SSBP3: variants seen among roughly 807,000 people sequenced by gnomAD.
The protein encoded by SSBP3 is single stranded DNA binding protein 3, also known as single-stranded DNA-binding protein 3.
SSBP3 carries 5 observed loss-of-function variants against 69.6 expected under a neutral mutation model. The ratio of observed to expected loss-of-function variants is 0.07; its 90% CI spans 0.04 to 0.15. The LOEUF (loss-of-function observed/expected upper bound fraction) is 0.15. Ranked by LOEUF, SSBP3 falls within the 10% of genes least tolerant of loss-of-function variation. SSBP3 has a pLI of 1.00. For missense variants in SSBP3, 312 were observed against 534.0 expected (o/e 0.58, Z 4.10); for synonymous variants, 196 against 193.4 (o/e 1.01, Z -0.11).
chr1:54,249,763 A>T (rs925657530), intron 9 of SSBP3, among the ~76,000 whole-genome samples: 7 of 147,498 alleles, frequency 4.7e-5, no homozygotes, highest in Non-Finnish European at 1.5e-5. Flanking sequence ...AAATAAAAAT[A>T]AAATTTGATT....
intron 4 of SSBP3, among the ~76,000 whole-genome samples, chr1:54,400,110 C>T (rs1649189209): frequency 6.6e-6 from 1 of 152,178 alleles, no homozygotes; most frequent in African/African-American, 2.4e-5. Context: ...TGAAAGCAAA[C>T]CCATGTGCAA....
chr1:54,385,476 C>T (rs750966408), intron 4 of SSBP3, among the ~76,000 whole-genome samples: 3 of 152,114 alleles, frequency 2.0e-5, no homozygotes, highest in Non-Finnish European at 4.4e-5. Context: ...TCTACCACTG[C>T]CCCCAACCCC....
intron 4 of SSBP3, among the ~76,000 whole-genome samples, chr1:54,300,158 CAG>C (rs890191396): frequency 1.3e-5 from 2 of 152,094 alleles, no homozygotes; most frequent in African/African-American, 4.8e-5. Flanking sequence ...CGTGGCTGGC[CAG>C]AGTCTTCATT....
chr1:54,380,759 G>T (rs1335653815), intron 4 of SSBP3, among the ~76,000 whole-genome samples: 1 of 152,164 alleles, frequency 6.6e-6, no homozygotes, highest in Non-Finnish European at 1.5e-5. Context: ...GGGGTTGGGG[G>T]TGTTGGTAAA....
chr1:54,303,516 G>A (rs1645842108), intron 4 of SSBP3, among the ~76,000 whole-genome samples: 1 of 152,120 alleles, frequency 6.6e-6, no homozygotes, highest in African/African-American at 2.4e-5. Context: ...GTTCAATCCT[G>A]ACGACAACTC....
intron 4 of SSBP3, among the ~76,000 whole-genome samples, chr1:54,300,212 C>T (rs949929125): frequency 3.9e-5 from 6 of 152,134 alleles, no homozygotes; most frequent in Admixed American, 1.3e-4. Flanking sequence ...CTCAACAGCC[C>T]TACAGCAAGA....
At chr1:54,398,797 C>T (rs2100801382) in intron 4 of SSBP3, among the ~76,000 whole-genome samples, 1 of 152,232 alleles carries the variant, frequency 6.6e-6, no homozygotes, top group Middle Eastern at 3.4e-3. Flanking sequence ...AAGTCCACTC[C>T]AGATGTGAGT....
chr1:54,302,742 A>G (rs1469430473), intron 4 of SSBP3, among the ~76,000 whole-genome samples: 1 of 152,190 alleles, frequency 6.6e-6, no homozygotes, highest in African/African-American at 2.4e-5. Context: ...CAGTGGAGGA[A>G]TCTCCACCAC....
intron 4 of SSBP3, among the ~76,000 whole-genome samples, chr1:54,315,933 A>T (rs1646089538): frequency 6.6e-6 from 1 of 151,854 alleles, no homozygotes; most frequent in Admixed American, 6.6e-5. Context: ...AAGTACTGGG[A>T]TTACAGGCAT....
intron 4 of SSBP3, among the ~76,000 whole-genome samples, chr1:54,351,711 C>T (rs1646783138): frequency 1.3e-5 from 2 of 152,192 alleles, no homozygotes; most frequent in African/African-American, 2.4e-5. Context: ...CAGGGATGAA[C>T]CTCTAGCAGA....
chr1:54,241,576 T>C (rs1644639315), intron 11 of SSBP3, 67 bp from the exon 12 acceptor site: 2 of 1,533,164 alleles, frequency 1.3e-6, no homozygotes, highest in African/African-American at 2.8e-5. Context: ...CAAACCTCCC[T>C]GAGGACACGA....
intron 4 of SSBP3, among the ~76,000 whole-genome samples, chr1:54,363,381 A>T (rs1048823250): frequency 2.0e-5 from 3 of 152,202 alleles, no homozygotes; most frequent in East Asian, 3.8e-4. Context: ...CTTCACCTGG[A>T]GAAAAAGTAC....
At chr1:54,263,693 TCCTTA>T (rs1645053575) in intron 5 of SSBP3, among the ~76,000 whole-genome samples, 2 of 152,192 alleles carry the variant, frequency 1.3e-5, no homozygotes, top group Admixed American at 1.3e-4. Context: ...ACAGAACCTT[TCCTTA>T]CTCCATGTCT....
At chr1:54,353,632 G>A (rs1646818358) in intron 4 of SSBP3, among the ~76,000 whole-genome samples, 1 of 152,160 alleles carries the variant, frequency 6.6e-6, no homozygotes, top group African/African-American at 2.4e-5. Flanking sequence ...CATGCTCCAT[G>A]GAAGTCAGAG....
intron 4 of SSBP3, among the ~76,000 whole-genome samples, chr1:54,318,258 C>T (rs1397248298): frequency 6.6e-6 from 1 of 152,112 alleles, no homozygotes; most frequent in Admixed American, 6.5e-5. Context: ...AAAACCAAAC[C>T]AGGCATGCAG....
chr1:54,397,173 G>C (rs886824423), intron 4 of SSBP3, among the ~76,000 whole-genome samples: 1 of 152,210 alleles, frequency 6.6e-6, no homozygotes, highest in Non-Finnish European at 1.5e-5. Flanking sequence ...TGGGCAGATA[G>C]CTAGCCTGGC....
chr1:54,401,631 C>A (rs1262202892), intron 4 of SSBP3, among the ~76,000 whole-genome samples: 2 of 152,202 alleles, frequency 1.3e-5, no homozygotes, highest in Non-Finnish European at 2.9e-5. Context: ...GGATAGATAT[C>A]TACACAATTT....
chr1:54,288,395 G>T (rs1303972255), intron 4 of SSBP3, among the ~76,000 whole-genome samples: 1 of 152,144 alleles, frequency 6.6e-6, no homozygotes, highest in Non-Finnish European at 1.5e-5. Context: ...ACCTGAAAAG[G>T]GCCACGTATA....
intron 6 of SSBP3, 98 bp from the exon 7 acceptor site, chr1:54,257,284 T>A: frequency 9.3e-7 from 1 of 1,076,664 alleles, no homozygotes; most frequent in Non-Finnish European, 1.3e-6. Context: ...TTGTTATAAC[T>A]AGTGATCTTT....
Sources: gnomAD v4.1 joint callset for allele counts (sites outside exome capture counted in the v4.1 genomes callset) on GRCh38, gnomAD v4.1.1 for gene constraint, MANE v1.5 for transcripts, NCBI Gene and HGNC (gene_info 2026-07-23, HGNC 2026-07-21) for gene names.